EPAS1: variants seen among roughly 807,000 people sequenced by gnomAD.
EPAS1 encodes endothelial PAS domain-containing protein 1.
EPAS1 carries 23 observed loss-of-function variants against 87.9 expected under a neutral mutation model. The ratio of observed to expected loss-of-function variants is 0.26; its 90% CI spans 0.19 to 0.37. The LOEUF is 0.37. EPAS1 is among the 10% of genes least tolerant of loss of function. The pLI, the probability that EPAS1 is intolerant of heterozygous loss-of-function variation, is 1.00. For synonymous variants in EPAS1, 508 were observed against 444.3 expected (o/e 1.14, Z -1.80); for missense variants, 1,138 against 1,120.7 (o/e 1.02, Z -0.22).
intron 1 of EPAS1, among the ~76,000 whole-genome samples, chr2:46,339,713 G>C (rs935717268): frequency 3.3e-5 from 5 of 152,226 alleles, no homozygotes; most frequent in Non-Finnish European, 2.9e-5. Context: ...ACCGTAAACT[G>C]AGTGGCTTAT....
chr2:46,299,979 C>T (rs1682964687), intron 1 of EPAS1, among the ~76,000 whole-genome samples: 1 of 152,254 alleles, frequency 6.6e-6, no homozygotes, highest in African/African-American at 2.4e-5. Flanking sequence ...CTGGTGGCCA[C>T]GCGAGGGTGT....
intron 1 of EPAS1, among the ~76,000 whole-genome samples, chr2:46,331,713 C>G (rs1391444486): frequency 6.6e-6 from 1 of 152,188 alleles, no homozygotes; most frequent in African/African-American, 2.4e-5. Context: ...CCTTTTCTTT[C>G]TACCAACCGG....
intron 2 of EPAS1, among the ~76,000 whole-genome samples, chr2:46,349,640 C>G (rs1312959132): frequency 6.6e-6 from 1 of 152,218 alleles, no homozygotes; most frequent in Non-Finnish European, 1.5e-5. Context: ...GCCATGTGGT[C>G]CTGATGTCCT....
intron 12 of EPAS1, 80 bp from the exon 13 acceptor site, chr2:46,381,516 G>A: frequency 6.2e-7 from 1 of 1,609,534 alleles, no homozygotes; most frequent in South Asian, 1.1e-5. Flanking sequence ...ATTGGGACTG[G>A]AAGGGCCCCT....
chr2:46,303,370 A>G (rs138382544), intron 1 of EPAS1, among the ~76,000 whole-genome samples: 1,612 of 152,298 alleles, frequency 0.011, 22 homozygotes, highest in Non-Finnish European at 0.016. Context: ...GGCTAACGAG[A>G]GGAAAGAAAA....
At position 46,300,469 on chromosome 2, in the gene EPAS1, A is replaced by G. The variant is rs1468948644; in HGVS notation, c.26+2532A>G. Among the ~76,000 whole-genome samples the G allele has an allele frequency of 6.6e-6, 1 of 152,248 alleles. No individual in the cohort carries two copies. On this transcript the variant is annotated intron_variant, in intron 1 of 15. Coordinates refer to ENST00000263734, the MANE Select transcript of EPAS1 (RefSeq NM_001430.5). The surrounding 1 kb of genome is among the most constrained non-coding windows in gnomAD (Gnocchi z 4.1). ...TCGATAAATATGTTAATGTTTAATAATAAAGAGTTTGCTTTCTAAATGTTA... is the reference window on the plus strand; with the variant it reads ...TCGATAAATATGTTAATGTTTAATAGTAAAGAGTTTGCTTTCTAAATGTTA...
rs1682982844 is a variant in EPAS1, at chr2:46,300,913, CCAT to C, written c.26+2980_26+2982del. On this transcript the variant is annotated intron_variant, in intron 1 of 15. Coordinates refer to ENST00000263734, the MANE Select transcript of EPAS1 (RefSeq NM_001430.5). This position sits in a 1 kb window ranked among gnomAD's most constrained non-coding sequence, Gnocchi z 4.1. Reference sequence around the variant, plus strand: ...TCCTCTTCTAAAATCAAATCAAACTCCATCATTATTCCAACTCTGAAGGGAAAA... The same window carrying C: ...TCCTCTTCTAAAATCAAATCAAACTCCATTATTCCAACTCTGAAGGGAAAA... Among the ~76,000 whole-genome samples, 1 of 152,196 alleles carries C rather than the reference CCAT, an allele frequency of 6.6e-6. No individual in the cohort carries two copies. The highest frequency in any genetic ancestry group is 2.4e-5 in the African/African-American group (1 of 41,442).
rs567189935 is a variant in EPAS1, at chr2:46,360,342, G to A, written c.455-296G>A. Among the ~76,000 whole-genome samples, 27 of 152,300 alleles carry A rather than the reference G, an allele frequency of 1.8e-4. No individual in the cohort carries two copies. In the East Asian group the frequency reaches 5.2e-3, roughly 29 times the overall value. ...GTGGCTGATAGGCAGTCGTTGTGTC[G>A]CTGCTCTGAAGGCACCACTGACCAT... On this transcript the variant is annotated intron_variant, in intron 4 of 15. Transcript: ENST00000263734. The surrounding 1 kb of genome is among the most constrained non-coding windows in gnomAD (Gnocchi z 4.5).
intron 6 of EPAS1, among the ~76,000 whole-genome samples, chr2:46,365,851 C>T (rs373671246): frequency 2.0e-5 from 3 of 152,014 alleles, no homozygotes; most frequent in Non-Finnish European, 2.9e-5. Flanking sequence ...AGATAAATCA[C>T]GGGGTGCTGA....
In EPAS1 at chr2:46,371,376, C is replaced by A. The variant is rs558973645; in HGVS notation, c.886+1443C>A. Among the ~76,000 whole-genome samples, 1 of 152,292 alleles carries A rather than the reference C, an allele frequency of 6.6e-6. No individual in the cohort carries two copies. Among genetic ancestry groups the A allele is most frequent in the African/African-American group, 2.4e-5 (1 of 41,566 alleles). ...TTTTCTTTTATTGGTTCCTCTGCCT[C>A]TTCCTCATGGCTTTTGGGTTTGATT... On this transcript the variant is annotated intron_variant, in intron 7 of 15. Coordinates refer to ENST00000263734, the MANE Select transcript of EPAS1 (RefSeq NM_001430.5). The surrounding 1 kb of genome is among the most constrained non-coding windows in gnomAD (Gnocchi z 4.3).
intron 2 of EPAS1, among the ~76,000 whole-genome samples, chr2:46,349,527 T>G (rs1684105058): frequency 6.6e-6 from 1 of 152,242 alleles, no homozygotes; most frequent in Admixed American, 6.5e-5. Flanking sequence ...GCCCTCTGGC[T>G]GGGCTCGGCC....
At chr2:46,329,166 A>G (rs181195656) in intron 1 of EPAS1, among the ~76,000 whole-genome samples, 2 of 152,148 alleles carry the variant, frequency 1.3e-5, no homozygotes, top group African/African-American at 4.8e-5. Flanking sequence ...ATTTCCAGAA[A>G]CCCTTCCTGG....
At chr2:46,328,225 C>T (rs1460571066) in intron 1 of EPAS1, among the ~76,000 whole-genome samples, 5 of 152,146 alleles carry the variant, frequency 3.3e-5, no homozygotes, top group Non-Finnish European at 2.9e-5. Context: ...ATTGGGGGCA[C>T]CTCCTGGAAG....
chr2:46,344,767 G>T (rs1004884193), intron 1 of EPAS1, among the ~76,000 whole-genome samples: 1 of 152,130 alleles, frequency 6.6e-6, no homozygotes, highest in Non-Finnish European at 1.5e-5. Context: ...GAGACATGAC[G>T]AGAAAAATAG....
At chr2:46,377,625 C>T (rs1205430954) in intron 9 of EPAS1, among the ~76,000 whole-genome samples, 1 of 152,230 alleles carries the variant, frequency 6.6e-6, no homozygotes, top group Non-Finnish European at 1.5e-5. Flanking sequence ...GGATCTGTTC[C>T]TCAGGGAAGA....
At chr2:46,354,367 A>G (rs1019158637) in intron 2 of EPAS1, among the ~76,000 whole-genome samples, 1 of 152,040 alleles carries the variant, frequency 6.6e-6, no homozygotes, top group Non-Finnish European at 1.5e-5. Flanking sequence ...GCATATTTTG[A>G]TTGATGTTTG....
chr2:46,372,081 T>C (rs146355340), intron 7 of EPAS1, among the ~76,000 whole-genome samples: 23 of 152,348 alleles, frequency 1.5e-4, no homozygotes, highest in African/African-American at 5.1e-4. Context: ...AGGTGCTTTT[T>C]ACTGAATCCG....
At position 46,297,693 on chromosome 2, in the gene EPAS1, G is replaced by C; in HGVS notation, c.-219G>C. 1 of 569,288 alleles carries C rather than the reference G, an allele frequency of 1.8e-6. No homozygotes were observed. The highest frequency in any genetic ancestry group is 3.1e-6 in the Non-Finnish European group (1 of 323,638). 35.3% of individuals were successfully genotyped at this position (569,288 alleles called of 1,614,324 possible). A position where few individuals can be genotyped will look rare whatever the true frequency, so the allele number is the denominator to read the frequency against. ...CTCCTTCCCCGGACCCCGCCTCCGCGCGCAGGTTCCTCCCAGTCACCTTTC... is the reference window on the plus strand; with the variant it reads ...CTCCTTCCCCGGACCCCGCCTCCGCCCGCAGGTTCCTCCCAGTCACCTTTC... On this transcript the variant is annotated 5_prime_UTR_variant, in exon 1 of 16. Coordinates refer to ENST00000263734, the MANE Select transcript of EPAS1 (RefSeq NM_001430.5).
At chr2:46,313,963 T>C (rs1194390676) in intron 1 of EPAS1, among the ~76,000 whole-genome samples, 1 of 152,240 alleles carries the variant, frequency 6.6e-6, no homozygotes, top group Non-Finnish European at 1.5e-5. Context: ...TTATTTCTTA[T>C]ATTTGTTCAG....
Sources: gnomAD v4.1 joint callset for allele counts (sites outside exome capture counted in the v4.1 genomes callset) on GRCh38, gnomAD v4.1.1 for gene constraint, Gnocchi (gnomAD v3.1) non-coding constraint, MANE v1.5 for transcripts, NCBI Gene and HGNC (gene_info 2026-07-23, HGNC 2026-07-21) for gene names.